Variants in CCSER1 observed in about 807,000 individuals in gnomAD.
CCSER1 encodes the protein serine-rich coiled-coil domain-containing protein 1.
A neutral mutation model predicts 82.0 loss-of-function variants in CCSER1; 41 were observed. The observed-to-expected ratio is 0.50, with a 90% CI of 0.39 to 0.65. CCSER1 has a LOEUF of 0.65. Among genes scored for constraint, CCSER1 ranks in the 30% least tolerant of loss-of-function variants. The probability of loss-of-function intolerance (pLI) is 0.00; values close to 1 mark genes in which losing one functional copy is unlikely to be tolerated. For missense variants in CCSER1, 1,119 were observed against 1,064.2 expected (o/e 1.05, Z -0.72); for synonymous variants, 414 against 383.9 (o/e 1.08, Z -0.92).
At chr4:90,404,553 C>A (rs1192548115) in intron 4 of CCSER1, among the ~76,000 whole-genome samples, 1 of 152,158 alleles carries the variant, frequency 6.6e-6, no homozygotes, top group Non-Finnish European at 1.5e-5. Context: ...TGGAGGCTGA[C>A]CAACACAAAA....
chr4:91,207,932 G>A (rs1581772692), intron 10 of CCSER1, among the ~76,000 whole-genome samples: 1 of 151,904 alleles, frequency 6.6e-6, no homozygotes, highest in Non-Finnish European at 1.5e-5. Context: ...TGACTGGTGC[G>A]AGATGGTATG....
intron 5 of CCSER1, among the ~76,000 whole-genome samples, chr4:90,574,599 A>G (rs1780524764): frequency 6.6e-6 from 1 of 151,974 alleles, no homozygotes; most frequent in African/African-American, 2.4e-5. Context: ...CTAAATTTGT[A>G]GGGTGTTATC....
intron 4 of CCSER1, among the ~76,000 whole-genome samples, chr4:90,419,867 C>T (rs962364374): frequency 6.6e-6 from 1 of 151,828 alleles, no homozygotes; most frequent in Non-Finnish European, 1.5e-5. Flanking sequence ...CTTTAACTAT[C>T]CAGGAAGTGT....
intron 9 of CCSER1, among the ~76,000 whole-genome samples, chr4:91,042,655 T>C (rs1301118323): frequency 6.6e-6 from 1 of 152,174 alleles, no homozygotes; most frequent in Non-Finnish European, 1.5e-5. Flanking sequence ...TGTTCCCATT[T>C]TCTAACTAGT....
rs561908818 is a variant in CCSER1 at position 90,273,842 on chromosome 4, A to T, written c.-41-34402A>T. 2.0e-3 allele frequency among the ~76,000 whole-genome samples: 312 copies of T among 152,250 alleles called. 2 individuals carry two copies. Among genetic ancestry groups the T allele is most frequent in the African/African-American group, 7.0e-3 (290 of 41,566 alleles). On this transcript the variant is annotated intron_variant, in intron 1 of 10. Transcript: ENST00000509176. ...AAACATAGAAGAAAGGAAGGGAAAG[A>T]AGCACCTGTGCATTCTTCCATTCTT...
At chr4:90,855,133 C>G (rs1444805944) in intron 8 of CCSER1, among the ~76,000 whole-genome samples, 3 of 152,086 alleles carry the variant, frequency 2.0e-5, no homozygotes, top group Non-Finnish European at 4.4e-5. Context: ...GGTCCCTCCA[C>G]CAACATTGGA....
intron 1 of CCSER1, among the ~76,000 whole-genome samples, chr4:90,207,384 G>A (rs921183479): frequency 2.0e-5 from 3 of 152,050 alleles, no homozygotes; most frequent in African/African-American, 7.2e-5. Context: ...ATTCTAGTTA[G>A]CAATTCCTCT....
In CCSER1 at chr4:91,349,867, C is replaced by G. The variant is rs78885736; in HGVS notation, c.2218-248705C>G. On this transcript the variant is annotated intron_variant, in intron 10 of 10. Transcript: ENST00000509176. ...TCAATTACAGTTTAGGGTTTCCTAA[C>G]AGCATTGTTTCCCATGGAGGTTTCT... Among the ~76,000 whole-genome samples the G allele has an allele frequency of 2.7e-5, 4 of 150,342 alleles. No individual in the cohort carries two copies. In the South Asian group the frequency reaches 8.3e-4, roughly 31 times the overall value.
At chr4:91,120,866 G>A (rs1331450844) in intron 10 of CCSER1, among the ~76,000 whole-genome samples, 1 of 151,840 alleles carries the variant, frequency 6.6e-6, no homozygotes, top group Non-Finnish European at 1.5e-5. Flanking sequence ...AGGAAAATCA[G>A]GGGATGTGTT....
rs142807212 is a variant in CCSER1, at chr4:91,179,652, C to T, written c.2217+93658C>T. 3.3e-3 allele frequency among the ~76,000 whole-genome samples: 498 copies of T among 152,308 alleles called. 1 individual carries two copies. Among genetic ancestry groups the T allele is most frequent in the African/African-American group, 0.011 (441 of 41,564 alleles). The stretch of plus-strand genomic sequence containing the variant: ...TCTCATGCCATGGCTTTCAGCTCCA[C>T]GAGGTCATTTAATGTCTTCTGTATG... On this transcript the variant is annotated intron_variant, in intron 10 of 10. Coordinates refer to ENST00000509176, the MANE Select transcript of CCSER1 (RefSeq NM_001145065.2).
chr4:90,656,403 G>T (rs1448024347), intron 6 of CCSER1, among the ~76,000 whole-genome samples: 2 of 151,276 alleles, frequency 1.3e-5, no homozygotes, highest in African/African-American at 4.8e-5. Context: ...TTATAATTAT[G>T]ATTTTTTATT....
intron 10 of CCSER1, among the ~76,000 whole-genome samples, chr4:91,556,072 C>A (rs1482031617): frequency 1.3e-5 from 2 of 151,134 alleles, no homozygotes; most frequent in Admixed American, 1.3e-4. Flanking sequence ...ATGAAACGTG[C>A]CTTAGCACAT....
At chr4:90,525,582 C>T (rs541453270) in intron 5 of CCSER1, among the ~76,000 whole-genome samples, 6 of 152,008 alleles carry the variant, frequency 3.9e-5, no homozygotes, top group Non-Finnish European at 8.8e-5. Context: ...TTTCTTCTCT[C>T]AATTACCCTT....
intron 10 of CCSER1, among the ~76,000 whole-genome samples, chr4:91,131,577 T>C (rs1727998418): frequency 6.6e-6 from 1 of 152,068 alleles, no homozygotes; most frequent in Non-Finnish European, 1.5e-5. Flanking sequence ...TAATTTCAGA[T>C]AGTTCATTAA....
chr4:90,418,601 A>G (rs1035962046), intron 4 of CCSER1, among the ~76,000 whole-genome samples: 1 of 152,048 alleles, frequency 6.6e-6, no homozygotes, highest in African/African-American at 2.4e-5. Flanking sequence ...TATCCCAGCT[A>G]GACTCAAACA....
rs974196363 is a variant in CCSER1, at chr4:90,634,092, A to G, written c.1932+5860A>G. 7.2e-5 allele frequency among the ~76,000 whole-genome samples: 11 copies of G among 151,832 alleles called. No individual in the cohort carries two copies. In the Middle Eastern group the frequency reaches 0.01, roughly 141 times the overall value. The stretch of plus-strand genomic sequence containing the variant: ...TATGATCTATAAAAGAAAATGTTTA[A>G]TATCTACAGAGGTGGGTTTTGTTTT... On this transcript the variant is annotated intron_variant, in intron 6 of 10. Coordinates refer to ENST00000509176, the MANE Select transcript of CCSER1 (RefSeq NM_001145065.2).
At chr4:91,177,203 C>A (rs1733482903) in intron 10 of CCSER1, among the ~76,000 whole-genome samples, 1 of 152,298 alleles carries the variant, frequency 6.6e-6, no homozygotes, top group South Asian at 2.1e-4. Flanking sequence ...TTTTGATGTG[C>A]TGCTGGATTC....
At chr4:91,517,983 T>A (rs2110132537) in intron 10 of CCSER1, among the ~76,000 whole-genome samples, 1 of 152,228 alleles carries the variant, frequency 6.6e-6, no homozygotes, top group South Asian at 2.1e-4. Context: ...TAATGATCAG[T>A]AGGTAGTCTC....
intron 9 of CCSER1, among the ~76,000 whole-genome samples, chr4:91,077,193 G>A (rs1344559614): frequency 6.6e-6 from 1 of 152,140 alleles, no homozygotes; most frequent in Non-Finnish European, 1.5e-5. Flanking sequence ...GTATTCAGTA[G>A]AGAGCACAGA....
Sources: gnomAD v4.1 joint callset for allele counts (sites outside exome capture counted in the v4.1 genomes callset) on GRCh38, gnomAD v4.1.1 for gene constraint, MANE v1.5 for transcripts, NCBI Gene and HGNC (gene_info 2026-07-23, HGNC 2026-07-21) for gene names.